BTNL8: variants seen among roughly 807,000 people sequenced by gnomAD.
The protein encoded by BTNL8 is butyrophilin-like protein 8.
BTNL8 carries 22 observed loss-of-function variants against 36.1 expected under a neutral mutation model. That is an observed-to-expected ratio of 0.61 (90% CI 0.44 to 0.87). BTNL8 has a LOEUF of 0.87. BTNL8 is among the 40% of genes least tolerant of loss of function. The probability of loss-of-function intolerance (pLI) is 0.00; values close to 1 mark genes in which losing one functional copy is unlikely to be tolerated. For synonymous variants in BTNL8, 203 were observed against 235.6 expected (o/e 0.86, Z 1.27); for missense variants, 526 against 616.9 (o/e 0.85, Z 1.56).
rs1479664687 is a variant in BTNL8 at position 180,950,579 on chromosome 5, T to C, written c.*35T>C. On this transcript the variant is annotated 3_prime_UTR_variant, in exon 8 of 8. Coordinates refer to ENST00000340184, the MANE Select transcript of BTNL8 (RefSeq NM_001040462.3). ...CATCCCACATTCTTCTTTAGGGATA[T>C]TAAGGTCTCTCTCCCAGATCCAAAG... 2 of 1,450,664 alleles carry C rather than the reference T, an allele frequency of 1.4e-6. 1 individual carries two copies. 89.9% of individuals were successfully genotyped at this position (1,450,664 alleles called of 1,614,324 possible).
At chr5:180,915,151 C>CCACTAGTAGAG (rs2113792622) in intron 3 of BTNL8, among the ~76,000 whole-genome samples, 1 of 152,284 alleles carries the variant, frequency 6.6e-6, no homozygotes, top group African/African-American at 2.4e-5. Context: ...ACCTACTGGC[C>CCACTAGTAGAG]AGCCCCTGCA....
intron 3 of BTNL8, among the ~76,000 whole-genome samples, chr5:180,936,888 T>TC (rs1176912765): frequency 6.6e-6 from 1 of 152,110 alleles, no homozygotes; most frequent in Non-Finnish European, 1.5e-5. Context: ...CCACACATGT[T>TC]CCCCAGGAAT....
chr5:180,940,372 C>A (rs1381928937), intron 3 of BTNL8, among the ~76,000 whole-genome samples: 2 of 149,524 alleles, frequency 1.3e-5, no homozygotes, highest in Non-Finnish European at 3.0e-5. Flanking sequence ...ACACAAGATA[C>A]CAAAACATAT....
rs371057604 is a variant in BTNL8 at position 180,949,272 on chromosome 5, A to G, written c.862+7A>G. ...GACGCCCGGAAACACGCAGGTACCA[A>G]CGCCTGAGAGGGTGACAGTGGGACA... On this transcript the variant is annotated splice_region_variant and intron_variant, in intron 7 of 7. Transcript: ENST00000340184. 3.1e-5 allele frequency: 46 copies of G among 1,460,462 alleles called. 4 individuals are homozygous for G. The African/African-American group carries it at 5.5e-4, about 17-fold the overall frequency. The allele number at this position is 1,460,462 out of a possible 1,614,324, so 90.5% of individuals were successfully genotyped here.
chr5:180,904,907 G>A (rs1234452368), intron 1 of BTNL8, among the ~76,000 whole-genome samples: 1 of 151,948 alleles, frequency 6.6e-6, no homozygotes, highest in Non-Finnish European at 1.5e-5. Context: ...GCTTTTTGAT[G>A]TGCTGCTGGA....
chr5:180,932,302 C>T (rs1048386948), intron 3 of BTNL8, among the ~76,000 whole-genome samples: 2 of 152,170 alleles, frequency 1.3e-5, no homozygotes, highest in African/African-American at 4.8e-5. Context: ...ACATGTATAC[C>T]TATGTAACAA....
At chr5:180,926,008 A>G (rs1458928907) in intron 3 of BTNL8, among the ~76,000 whole-genome samples, 1 of 152,242 alleles carries the variant, frequency 6.6e-6, no homozygotes, top group Non-Finnish European at 1.5e-5. Context: ...CACAACACAA[A>G]AAAACCACAG....
chr5:180,948,191 G>A, intron 4 of BTNL8, 164 bp from the exon 5 acceptor site: 1 of 1,097,332 alleles, frequency 9.1e-7, no homozygotes, highest in South Asian at 1.4e-5. Context: ...ACCCCAGAGA[G>A]CCACACTCCG....
In BTNL8 at chr5:180,905,554, C is replaced by A. The variant is rs1378974932; in HGVS notation, c.50-3032C>A. Among the ~76,000 whole-genome samples the A allele has an allele frequency of 5.5e-3, 508 of 92,426 alleles. 1 individual carries two copies. The highest frequency in any genetic ancestry group is 8.7e-3 in the Non-Finnish European group (421 of 48,582). 60.6% of individuals were successfully genotyped at this position (92,426 alleles called of 152,430 possible). A position where few individuals can be genotyped will look rare whatever the true frequency, so the allele number is the denominator to read the frequency against. Reference sequence around the variant, plus strand: ...AGTTCTGCTCTGATTTTAGTTATTTCTTGCCTTCTGCTAGCTTTTGAATGT... The same window carrying A: ...AGTTCTGCTCTGATTTTAGTTATTTATTGCCTTCTGCTAGCTTTTGAATGT... On this transcript the variant is annotated intron_variant, in intron 1 of 7. Transcript: ENST00000340184.
At chr5:180,923,035 T>G (rs1239133747) in intron 3 of BTNL8, among the ~76,000 whole-genome samples, 1 of 152,194 alleles carries the variant, frequency 6.6e-6, no homozygotes, top group Non-Finnish European at 1.5e-5. Flanking sequence ...TTCCATTTGC[T>G]TAGTAGATTT....
At chr5:180,923,457 T>A (rs1757961086) in intron 3 of BTNL8, among the ~76,000 whole-genome samples, 2 of 152,090 alleles carry the variant, frequency 1.3e-5, no homozygotes, top group South Asian at 4.1e-4. Context: ...TTTAAAACAC[T>A]TGTGAATCCA....
At chr5:180,916,896 C>G (rs572470863) in intron 3 of BTNL8, among the ~76,000 whole-genome samples, 17 of 152,216 alleles carry the variant, frequency 1.1e-4, no homozygotes, top group Non-Finnish European at 2.2e-4. Context: ...TATTTTTGGG[C>G]CACAATTGAT....
chr5:180,928,219 A>G (rs998829532), intron 3 of BTNL8, among the ~76,000 whole-genome samples: 1 of 152,226 alleles, frequency 6.6e-6, no homozygotes, highest in Non-Finnish European at 1.5e-5. Flanking sequence ...CCAGAATTTC[A>G]TATCCAGCCA....
chr5:180,902,510 A>C (rs1412606936), intron 1 of BTNL8: 1 of 1,079,654 alleles, frequency 9.3e-7, no homozygotes, highest in Admixed American at 2.6e-5. Context: ...AGGTCACACT[A>C]TAAAGGGTTT....
chr5:180,909,035 TAGA>T (rs1213688263), intron 2 of BTNL8, 102 bp downstream of exon 2: 3 of 1,177,296 alleles, frequency 2.5e-6, no homozygotes, highest in Non-Finnish European at 3.6e-6. Flanking sequence ...GTCATTTAGT[TAGA>T]AGGCAGCATT....
chr5:180,914,048 C>T lies in BTNL8; in HGVS notation c.673+2434C>T, dbSNP rs1276013762. Among the ~76,000 whole-genome samples, 3 of 152,316 alleles carry T rather than the reference C, an allele frequency of 2.0e-5. No individual in the cohort carries two copies. The East Asian group carries it at 5.8e-4, about 29-fold the overall frequency. Reference sequence around the variant, plus strand: ...AGGCTCAAGCACATAAAATGCTTTACAAAAACTTTGAAGAAAATGGTATTG... The same window carrying T: ...AGGCTCAAGCACATAAAATGCTTTATAAAAACTTTGAAGAAAATGGTATTG... On this transcript the variant is annotated intron_variant, in intron 3 of 7. Transcript: ENST00000340184.
chr5:180,902,598 A>C (rs1756878559), intron 1 of BTNL8, among the ~76,000 whole-genome samples: 1 of 151,174 alleles, frequency 6.6e-6, no homozygotes, highest in South Asian at 2.1e-4. Flanking sequence ...ATATGTATAC[A>C]TGTGCCATGC....
intron 3 of BTNL8, among the ~76,000 whole-genome samples, chr5:180,946,826 A>C (rs1395873726): frequency 6.6e-6 from 1 of 152,184 alleles, no homozygotes; most frequent in Non-Finnish European, 1.5e-5. Flanking sequence ...TGATTTAATC[A>C]TTCCACATTG....
At position 180,950,465 on chromosome 5, in the gene BTNL8, C is replaced by A; in HGVS notation, c.1424C>A (p.Ala475Asp). Residue 475 changes from alanine to aspartate, a missense_variant, in exon 8 of 8, where the codon GCC becomes GAC. Ala to Asp is a moderately radical substitution (Grantham distance 126). Coordinates refer to ENST00000340184, the MANE Select transcript of BTNL8 (RefSeq NM_001040462.3). ...ESEKEASWQR[A>D]SAIPETSNSE... Reference sequence around the variant, plus strand: ...GAGAAAGAGGCCTCTTGGCAAAGGGCCTCTGCAATCCCAGAGACAAGCAAC... The same window carrying A: ...GAGAAAGAGGCCTCTTGGCAAAGGGACTCTGCAATCCCAGAGACAAGCAAC... The A allele has an allele frequency of 2.7e-6, 4 of 1,463,824 alleles. No individual in the cohort carries two copies. The highest frequency in any genetic ancestry group is 3.8e-6 in the Non-Finnish European group (4 of 1,059,212). 90.7% of individuals were successfully genotyped at this position (1,463,824 alleles called of 1,614,324 possible).
Sources: allele counts gnomAD v4.1 joint callset (sites outside exome capture counted in the v4.1 genomes callset), GRCh38; gene constraint gnomAD v4.1.1; transcripts MANE v1.5; gene names NCBI Gene and HGNC (gene_info 2026-07-23, HGNC 2026-07-21).